PTPRQ: variants seen among roughly 807,000 people sequenced by gnomAD.
PTPRQ encodes protein tyrosine phosphatase receptor type Q.
A neutral mutation model predicts 246.0 loss-of-function variants in PTPRQ; 199 were observed. The ratio of observed to expected loss-of-function variants is 0.81; its 90% CI spans 0.72 to 0.91. The LOEUF (loss-of-function observed/expected upper bound fraction) is 0.91, where lower values mean the gene tolerates loss of function less well. Ranked by LOEUF, PTPRQ falls within the 40% of genes least tolerant of loss-of-function variation. The pLI, the probability that PTPRQ is intolerant of heterozygous loss-of-function variation, is 0.00. For synonymous variants in PTPRQ, 869 were observed against 853.2 expected, an observed-to-expected ratio of 1.02 and a Z score of -0.32; for missense variants, 2,624 against 2,528.4, an observed-to-expected ratio of 1.04 and a Z score of -0.81.
chr12:80,483,830 C>T (rs1015576173), intron 8 of PTPRQ, among the ~76,000 whole-genome samples: 34 of 151,844 alleles, frequency 2.2e-4, no homozygotes, highest in Non-Finnish European at 3.5e-4. Flanking sequence ...TGTGAACATG[C>T]GGCGTTTGGT....
At chr12:80,462,936 T>C in intron 6 of PTPRQ, among the ~76,000 whole-genome samples, 1 of 151,400 alleles carries the variant, frequency 6.6e-6, no homozygotes, top group African/African-American at 2.4e-5. Context: ...GCAGAAAAAC[T>C]GGAAACTCTA....
At chr12:80,476,229 C>T (rs1246430594) in intron 8 of PTPRQ, among the ~76,000 whole-genome samples, 1 of 152,054 alleles carries the variant, frequency 6.6e-6, no homozygotes, top group Non-Finnish European at 1.5e-5. Flanking sequence ...TTATTTTACA[C>T]CACACAATTA....
rs1019017291 is a variant in PTPRQ at position 80,556,188 on chromosome 12, C to G, written c.4285+6454C>G. Among the ~76,000 whole-genome samples, 3 of 152,190 alleles carry G rather than the reference C, an allele frequency of 2.0e-5. No individual in the cohort carries two copies. The South Asian group carries it at 6.2e-4, about 32-fold the overall frequency. The stretch of plus-strand genomic sequence containing the variant: ...GACTACAGGCCTGTGCCACCACACC[C>G]AGCTAATTTTTCGTATTTTTAGTAG... On this transcript the variant is annotated intron_variant, in intron 25 of 44. Coordinates refer to ENST00000644991, the MANE Select transcript of PTPRQ (RefSeq NM_001145026.2).
chr12:80,663,201 A>G (rs1055781916), intron 39 of PTPRQ, among the ~76,000 whole-genome samples: 15 of 152,084 alleles, frequency 9.9e-5, no homozygotes, highest in African/African-American at 3.6e-4. Flanking sequence ...AACTGAGATC[A>G]TATAATGTTA....
intron 7 of PTPRQ, 84 bp downstream of exon 7, chr12:80,468,922 T>C (rs1267103857): frequency 6.8e-7 from 1 of 1,476,386 alleles, no homozygotes; most frequent in African/African-American, 1.4e-5. Context: ...TTTAAAAGTA[T>C]CAGACTCTTT....
chr12:80,469,755 G>A lies in PTPRQ; in HGVS notation c.1039+917G>A, dbSNP rs975474136. 1.5e-4 allele frequency among the ~76,000 whole-genome samples: 23 copies of A among 152,230 alleles called. No individual in the cohort carries two copies. The East Asian group carries it at 2.1e-3, about 14-fold the overall frequency. ...GATAATTCCCTCCACTCACCCATCC[G>A]ATACACAGAAACAGACATGGATACA... On this transcript the variant is annotated intron_variant, in intron 7 of 44. Coordinates refer to ENST00000644991, the MANE Select transcript of PTPRQ (RefSeq NM_001145026.2).
intron 25 of PTPRQ, among the ~76,000 whole-genome samples, chr12:80,580,984 G>T (rs1310744450): frequency 6.6e-6 from 1 of 152,264 alleles, no homozygotes; most frequent in Non-Finnish European, 1.5e-5. Flanking sequence ...AACGAATATT[G>T]ATCTGCTGAA....
At chr12:80,530,133 T>C (rs545433737) in intron 17 of PTPRQ, among the ~76,000 whole-genome samples, 37 of 152,286 alleles carry the variant, frequency 2.4e-4, no homozygotes, top group Non-Finnish European at 4.3e-4. Flanking sequence ...TCTCAAACTT[T>C]ACAAACTGGC....
chr12:80,640,098 T>C (rs1899802148), intron 35 of PTPRQ, among the ~76,000 whole-genome samples: 1 of 151,706 alleles, frequency 6.6e-6, no homozygotes, highest in South Asian at 2.1e-4. Context: ...AAGATTAATG[T>C]AAACTTTCTT....
chr12:80,488,300 G>A (rs1894343222), intron 9 of PTPRQ, among the ~76,000 whole-genome samples: 1 of 151,816 alleles, frequency 6.6e-6, no homozygotes, highest in African/African-American at 2.4e-5. Flanking sequence ...TGGGTATAGT[G>A]GGTATCTACC....
At position 80,622,089 on chromosome 12, in the gene PTPRQ, G is replaced by T; in HGVS notation, c.5641G>T (p.Gly1881Ter). The T allele has an allele frequency of 2.1e-6, 3 of 1,438,358 alleles. No homozygotes were observed. Among genetic ancestry groups the T allele is most frequent in the East Asian group, 2.8e-5 (1 of 35,888 alleles). 89.1% of individuals were successfully genotyped at this position (1,438,358 alleles called of 1,614,324 possible). Residue 1881 changes from glycine (G) to a stop codon, truncating the protein, a stop_gained, in exon 33 of 45, where the codon GGA becomes TGA. Coordinates refer to ENST00000644991, the MANE Select transcript of PTPRQ (RefSeq NM_001145026.2). LOFTEE classifies it high-confidence loss of function. Reference protein sequence around the residue: ...LFKFRATNIMGQFTDSDYSDP... With the variant: ...LFKFRATNIM ...TAAATTTAGAGCTACAAATATTATG[G>T]GACAATTTACTGACTCTGATTATTC...
At chr12:80,651,314 G>GT (rs1201151186) in intron 37 of PTPRQ, among the ~76,000 whole-genome samples, 3 of 152,090 alleles carry the variant, frequency 2.0e-5, no homozygotes, top group Admixed American at 1.3e-4. Flanking sequence ...CAAATTTACT[G>GT]TATCTTGATG....
At chr12:80,487,661 C>T (rs2120624202) in intron 9 of PTPRQ, among the ~76,000 whole-genome samples, 1 of 152,198 alleles carries the variant, frequency 6.6e-6, no homozygotes, top group East Asian at 1.9e-4. Flanking sequence ...CATTCAATAG[C>T]CACTTAATGT....
At chr12:80,455,901 C>T (rs1483511465) in intron 3 of PTPRQ, among the ~76,000 whole-genome samples, 1 of 152,048 alleles carries the variant, frequency 6.6e-6, no homozygotes, top group Non-Finnish European at 1.5e-5. Flanking sequence ...GCCCAGCCGT[C>T]CTTTACATAG....
At chr12:80,670,296 G>A in intron 41 of PTPRQ, 48 bp from the exon 42 acceptor site, 1 of 1,540,980 alleles carries the variant, frequency 6.5e-7, no homozygotes, top group East Asian at 2.5e-5. Flanking sequence ...AACCTTCATT[G>A]TGGAACTTAA....
At chr12:80,539,990 CTTA>C (rs1259279786) in intron 20 of PTPRQ, 46 bp downstream of exon 20, 10 of 1,368,574 alleles carry the variant, frequency 7.3e-6, no homozygotes, top group Non-Finnish European at 9.6e-6. Context: ...TAATTTAAAA[CTTA>C]TTATTTTAGG....
At chr12:80,457,169 C>A (rs1266586683) in intron 3 of PTPRQ, among the ~76,000 whole-genome samples, 4 of 151,604 alleles carry the variant, frequency 2.6e-5, no homozygotes, top group Non-Finnish European at 2.9e-5. Context: ...ATTTGTTTGC[C>A]TGATTAGATT....
At chr12:80,454,609 T>C (rs1892909629) in intron 3 of PTPRQ, 3 of 690,500 alleles carry the variant, frequency 4.3e-6, no homozygotes, top group African/African-American at 1.8e-5. Flanking sequence ...TGGTTTGTCA[T>C]ATATAGCTCT....
chr12:80,545,690 G>A (rs949598509), intron 23 of PTPRQ, among the ~76,000 whole-genome samples: 4 of 150,442 alleles, frequency 2.7e-5, no homozygotes, highest in African/African-American at 4.9e-5. Flanking sequence ...TAGAGGAATC[G>A]GCTGGGAAAA....
Sources: allele counts gnomAD v4.1 joint callset (sites outside exome capture counted in the v4.1 genomes callset), GRCh38; gene constraint gnomAD v4.1.1; transcripts MANE v1.5; gene names NCBI Gene and HGNC (gene_info 2026-07-23, HGNC 2026-07-21).